Variants in RSU1 observed in about 807,000 individuals in gnomAD.
RSU1 encodes Ras suppressor protein 1.
In RSU1, 26 loss-of-function variants were observed where a neutral mutation model predicts 31.1. The observed-to-expected ratio is 0.84, with a 90% CI of 0.61 to 1.16. The LOEUF (loss-of-function observed/expected upper bound fraction) is 1.16. RSU1 is among the 50% of genes most tolerant of loss of function. The probability of loss-of-function intolerance (pLI) is 0.00; values close to 1 mark genes in which losing one functional copy is unlikely to be tolerated. For missense variants in RSU1, 320 were observed against 339.1 expected, an observed-to-expected ratio of 0.94 and a Z score of 0.44; for synonymous variants, 164 against 136.3, an observed-to-expected ratio of 1.20 and a Z score of -1.41.
intron 2 of RSU1, among the ~76,000 whole-genome samples, chr10:16,801,041 T>C (rs1838144899): frequency 6.6e-6 from 1 of 151,508 alleles, no homozygotes; most frequent in South Asian, 2.1e-4. Context: ...ATTATCACAT[T>C]AGATGTTAAT....
intron 8 of RSU1, among the ~76,000 whole-genome samples, chr10:16,659,138 C>A (rs779331915): frequency 6.6e-6 from 1 of 152,098 alleles, no homozygotes; most frequent in Non-Finnish European, 1.5e-5. Flanking sequence ...GTGTTGCAGA[C>A]CACTTTTCTC....
chr10:16,638,873 T>G (rs969363497), intron 8 of RSU1, among the ~76,000 whole-genome samples: 3 of 152,226 alleles, frequency 2.0e-5, no homozygotes, highest in Non-Finnish European at 4.4e-5. Context: ...CAGTGGATAA[T>G]TCATGCTTAT....
chr10:16,651,956 A>C (rs1834691187), intron 8 of RSU1, among the ~76,000 whole-genome samples: 1 of 152,230 alleles, frequency 6.6e-6, no homozygotes, highest in Admixed American at 6.5e-5. Context: ...ATTGAGTTAA[A>C]TTTCCTAAAT....
chr10:16,597,934 G>A (rs1434160412), intron 8 of RSU1, among the ~76,000 whole-genome samples: 3 of 152,200 alleles, frequency 2.0e-5, no homozygotes, highest in African/African-American at 7.2e-5. Context: ...TTTACTAAGC[G>A]GCCATAAGTG....
intron 8 of RSU1, among the ~76,000 whole-genome samples, chr10:16,654,382 G>C (rs1834736488): frequency 1.6e-5 from 2 of 127,770 alleles, no homozygotes; most frequent in South Asian, 4.5e-4. Flanking sequence ...AAAAAAAAAG[G>C]AAATTGGCCA....
At chr10:16,734,821 G>C (rs1347331589) in intron 7 of RSU1, among the ~76,000 whole-genome samples, 5 of 152,118 alleles carry the variant, frequency 3.3e-5, no homozygotes, top group African/African-American at 1.2e-4. Context: ...GTGACTATTT[G>C]GAAATGGTGA....
At chr10:16,741,332 A>G (rs1450126021) in intron 7 of RSU1, among the ~76,000 whole-genome samples, 1 of 152,192 alleles carries the variant, frequency 6.6e-6, no homozygotes, top group Non-Finnish European at 1.5e-5. Context: ...AAAGATATAA[A>G]TGTAAGAGCC....
Position 16,817,071 on chromosome 10 carries a change from G to T in RSU1, c.11C>A (p.Ser4Tyr). 6.2e-7 allele frequency: 1 copy of T among 1,613,184 alleles called. No individual in the cohort carries two copies. The highest frequency in any genetic ancestry group is 1.1e-5 in the South Asian group (1 of 91,076). The stretch of plus-strand genomic sequence containing the variant: ...GCTCTCCTCCACCAACTTCTTCAGA[G>T]ACTTGGACATGGTCTGCACCGAACA... Reference protein sequence around the residue: MSKSLKKLVEESRE... With the variant: MSKYLKKLVEESRE... Residue 4 changes from serine (S) to tyrosine (Y), a missense_variant, in exon 2 of 9, where the codon TCT becomes TAT. By Grantham distance (144) the Ser-to-Tyr change is moderately radical (BLOSUM62 -2). Coordinates refer to ENST00000345264, the MANE Select transcript of RSU1 (RefSeq NM_012425.4).
chr10:16,683,185 T>TGTGTGTGTGTGTGTGTGTGTGTGTG, intron 8 of RSU1, among the ~76,000 whole-genome samples: 3 of 71,530 alleles, frequency 4.2e-5, no homozygotes, highest in Non-Finnish European at 2.8e-5. Context: ...GTGTGTGTGT[T>TGTGTGTGTGTGTGTGTGTGTGTGTG]GTGGTAGGGG....
chr10:16,662,440 C>T (rs1319404234), intron 8 of RSU1, among the ~76,000 whole-genome samples: 1 of 152,158 alleles, frequency 6.6e-6, no homozygotes, highest in Non-Finnish European at 1.5e-5. Flanking sequence ...TGGTAAATAA[C>T]TCAGCTTGTT....
At chr10:16,783,199 C>T (rs1837694249) in intron 2 of RSU1, among the ~76,000 whole-genome samples, 2 of 152,090 alleles carry the variant, frequency 1.3e-5, no homozygotes, top group South Asian at 2.1e-4. Context: ...GCATCAGCCA[C>T]TGTGTCCAGC....
chr10:16,625,146 G>T (rs980046647), intron 8 of RSU1, among the ~76,000 whole-genome samples: 3 of 152,118 alleles, frequency 2.0e-5, no homozygotes, highest in African/African-American at 7.2e-5. Flanking sequence ...GGCAGAATCC[G>T]TCACTTGTAC....
At chr10:16,786,937 C>T (rs767931935) in intron 2 of RSU1, among the ~76,000 whole-genome samples, 2 of 152,128 alleles carry the variant, frequency 1.3e-5, no homozygotes, top group South Asian at 2.1e-4. Context: ...AAGTTAAAAA[C>T]GCCCCTGGTG....
intron 2 of RSU1, among the ~76,000 whole-genome samples, chr10:16,784,825 G>A (rs572999428): frequency 5.9e-5 from 9 of 152,272 alleles, no homozygotes; most frequent in South Asian, 4.2e-4. Flanking sequence ...TACCAGGTCC[G>A]TCCCACGACA....
At chr10:16,634,341 G>A in intron 8 of RSU1, among the ~76,000 whole-genome samples, 1 of 152,154 alleles carries the variant, frequency 6.6e-6, no homozygotes, top group East Asian at 1.9e-4. Context: ...TTGTTACGCT[G>A]GCTTCAAAAC....
At chr10:16,599,603 G>A (rs1281227320) in intron 8 of RSU1, among the ~76,000 whole-genome samples, 1 of 152,212 alleles carries the variant, frequency 6.6e-6, no homozygotes, top group African/African-American at 2.4e-5. Flanking sequence ...TATGCAAGAG[G>A]AAGATGAAGA....
chr10:16,603,850 G>A lies in RSU1; in HGVS notation c.732-10354C>T, dbSNP rs577047283. On this transcript the variant is annotated intron_variant, in intron 8 of 8. Coordinates refer to ENST00000345264, the MANE Select transcript of RSU1 (RefSeq NM_012425.4). ...TATATGTATGTGCTTGTAATACAAC[G>A]ATACACAAACCTATTCATAAATATA... Among the ~76,000 whole-genome samples the A allele has an allele frequency of 2.1e-3, 318 of 152,216 alleles. 2 individuals carry two copies. Among genetic ancestry groups the A allele is most frequent in the South Asian group, 0.013 (62 of 4,824 alleles).
Position 16,593,306 on chromosome 10 carries a change from C to T in RSU1, c.*88G>A. 1 of 1,592,738 alleles carries T rather than the reference C, an allele frequency of 6.3e-7. No individual in the cohort carries two copies. The highest frequency in any genetic ancestry group is 1.1e-5 in the South Asian group (1 of 88,728). The stretch of plus-strand genomic sequence containing the variant: ...AAAATAAAAAAGGCCTCACACGCAG[C>T]ATTGGGTTTATTTGAGAGACAGGGC... On this transcript the variant is annotated 3_prime_UTR_variant, in exon 9 of 9. Coordinates refer to ENST00000345264, the MANE Select transcript of RSU1 (RefSeq NM_012425.4).
intron 8 of RSU1, among the ~76,000 whole-genome samples, chr10:16,617,707 G>A (rs1167550973): frequency 6.6e-6 from 1 of 152,054 alleles, no homozygotes; most frequent in African/African-American, 2.4e-5. Flanking sequence ...TCTGACCTTC[G>A]ACAAACCTGA....
Sources: gnomAD v4.1 joint callset for allele counts (sites outside exome capture counted in the v4.1 genomes callset) on GRCh38, gnomAD v4.1.1 for gene constraint, MANE v1.5 for transcripts, NCBI Gene and HGNC (gene_info 2026-07-23, HGNC 2026-07-21) for gene names.